NXT2: variants seen among roughly 807,000 people sequenced by gnomAD.
NXT2 encodes the protein NTF2-related export protein 2.
Under a neutral mutation model 9.6 loss-of-function variants are expected in NXT2, and 1 was observed. The observed-to-expected ratio is 0.10, with a 90% confidence interval of 0.04 to 0.49. NXT2 has a LOEUF of 0.49. NXT2 is among the 20% of genes least tolerant of loss of function. The pLI, the probability that NXT2 is intolerant of heterozygous loss-of-function variation, is 0.95. For synonymous variants in NXT2, 22 were observed against 35.4 expected (o/e 0.62, Z 1.34); for missense variants, 48 against 100.3 (o/e 0.48, Z 2.23).
At chrX:109,540,021 A>G (rs1933378149) in intron 2 of NXT2, among the ~76,000 whole-genome samples, 1 of 112,039 alleles carries the variant, frequency 8.9e-6, no homozygotes, top group African/African-American at 3.3e-5. Flanking sequence ...AGTGTAAGGA[A>G]GGGGTCCAGT....
At chrX:109,537,335 G>C in intron 1 of NXT2, 2 of 873,614 alleles carry the variant, frequency 2.3e-6, no homozygotes, top group Non-Finnish European at 2.8e-6. Context: ...ATCACTTTCA[G>C]TCACCTGACA....
Position 109,543,509 on chromosome X carries a change from T to A in NXT2, c.*821T>A, listed in dbSNP as rs1933463365. ...GGGTGGCCAAATGGTAAACTATTGGTACTTGTTTTCTACCTCCTAAAAATG... is the reference window on the plus strand; with the variant it reads ...GGGTGGCCAAATGGTAAACTATTGGAACTTGTTTTCTACCTCCTAAAAATG... On this transcript the variant is annotated 3_prime_UTR_variant, in exon 4 of 4. Transcript: ENST00000372106. The A allele has an allele frequency of 8.9e-6, 1 of 112,236 alleles. No homozygotes were observed. Among genetic ancestry groups the A allele is most frequent in the Admixed American group, 9.5e-5 (1 of 10,533 alleles). 9.2% of individuals were successfully genotyped at this position (112,236 alleles called of 1,213,427 possible). A position where few individuals can be genotyped will look rare whatever the true frequency, so the allele number is the denominator to read the frequency against.
rs774231607 is a variant in NXT2 at position 109,542,501 on chromosome X, A to T, written c.248-6A>T. On this transcript the variant is annotated splice_region_variant and splice_polypyrimidine_tract_variant and intron_variant, in intron 3 of 3. Coordinates refer to ENST00000372106, the MANE Select transcript of NXT2 (RefSeq NM_001242617.2). ...GTGTTCTCTTTTTTTTTTAATGTGG[A>T]TGAAGAGCAAGCAACTCAGTCCCAA... is the stretch of plus-strand genomic sequence containing the variant. 1 of 1,177,536 alleles carries T rather than the reference A, an allele frequency of 8.5e-7. No homozygotes were observed. The highest frequency in any genetic ancestry group is 2.4e-5 in the Admixed American group (1 of 40,926).
Position 109,542,790 on chromosome X carries a change from ATTTCT to A in NXT2, c.*105_*109del. The A allele has an allele frequency of 1.6e-6, 1 of 641,312 alleles. No individual in the cohort carries two copies. The highest frequency in any genetic ancestry group is 2.3e-6 in the Non-Finnish European group (1 of 437,108). The allele number at this position is 641,312 out of a possible 1,213,427, so 52.9% of individuals were successfully genotyped here. On this transcript the variant is annotated 3_prime_UTR_variant, in exon 4 of 4. Transcript: ENST00000372106. ...GCACTATAATATGTGCTGAAACTAA[ATTTCT>A]TTAATATTTTCTATTCCTGTCAGCA...
At chrX:109,538,878 T>TAC (rs1491478966) in intron 2 of NXT2, among the ~76,000 whole-genome samples, 1 of 110,410 alleles carries the variant, frequency 9.1e-6, no homozygotes, top group Non-Finnish European at 1.9e-5. Context: ...CATAGGATTT[T>TAC]ATATATATAT....
At chrX:109,536,320 A>G (rs1569391922), upstream of NXT2, among the ~76,000 whole-genome samples, 1 of 112,877 alleles carries the variant, frequency 8.9e-6, no homozygotes, top group African/African-American at 3.2e-5. Context: ...GGTGAATAGC[A>G]CTGTAAACTT....
chrX:109,537,721 T>G (rs1933316309), intron 1 of NXT2, among the ~76,000 whole-genome samples: 1 of 111,953 alleles, frequency 8.9e-6, no homozygotes, highest in Non-Finnish European at 1.9e-5. Context: ...TCATTTTCAT[T>G]GCCGTGAATG....
rs765973085 is a variant in NXT2 at position 109,544,632 on chromosome X, T to G, written c.*1944T>G. The stretch of plus-strand genomic sequence containing the variant: ...CTACTCGTATAAGGACTAGACTGTA[T>G]TTTTGACATGCTCCTATTTTTGTAA... On this transcript the variant is annotated 3_prime_UTR_variant, in exon 4 of 4. Transcript: ENST00000372106. The G allele has an allele frequency of 1.6e-4, 18 of 113,019 alleles. No homozygotes were observed. The highest frequency in any genetic ancestry group is 1.9e-5 in the Non-Finnish European group (1 of 53,209). The allele number at this position is 113,019 out of a possible 1,213,427, so 9.3% of individuals were successfully genotyped here. A position where few individuals can be genotyped will look rare whatever the true frequency, so the allele number is the denominator to read the frequency against.
intron 2 of NXT2, 131 bp downstream of exon 2, chrX:109,538,262 G>T (rs1361419366): frequency 1.4e-5 from 6 of 414,697 alleles, no homozygotes; most frequent in Admixed American, 1.4e-4. Context: ...AAAGCAAATT[G>T]CTCAGGGAAG....
At chrX:109,542,406 T>A in intron 3 of NXT2, 101 bp from the exon 4 acceptor site, 2 of 693,946 alleles carry the variant, frequency 2.9e-6, no homozygotes, top group Non-Finnish European at 4.0e-6. Flanking sequence ...ATGAAAAAAA[T>A]TTTAAGCATT....
At chrX:109,536,783 A>G, upstream of NXT2, 1 of 989,028 alleles carries the variant, frequency 1.0e-6, no homozygotes, top group Non-Finnish European at 1.3e-6. Context: ...GATGGGAGGG[A>G]TCTTCAGGAA....
rs756066827 is a variant in NXT2, at chrX:109,541,920, T to G, written c.247+301T>G. On this transcript the variant is annotated intron_variant, in intron 3 of 3. Transcript: ENST00000372106. The stretch of plus-strand genomic sequence containing the variant: ...CTGATTTCTCTAAATAGTTGCCTGC[T>G]GGACCCTGAAATGTCTCCAGAGTAA... Among the ~76,000 whole-genome samples, 4 of 111,855 alleles carry G rather than the reference T, an allele frequency of 3.6e-5. No homozygotes were observed. In the South Asian group the frequency reaches 1.5e-3, roughly 41 times the overall value.
rs769093033 is a variant in NXT2, at chrX:109,537,033, G to A, written c.15+12G>A. ...TGGCCACGTCTCTGGTGAGTGCCTG[G>A]GCCGTGGCAGGACGGCTGGGCGCCG... On this transcript the variant is annotated intron_variant, in intron 1 of 3. Transcript: ENST00000372106. 4.1e-5 allele frequency: 49 copies of A among 1,202,781 alleles called. No homozygotes were observed. The highest frequency in any genetic ancestry group is 8.9e-5 in the Admixed American group (4 of 45,055).
chrX:109,537,677 C>T (rs1391596707), intron 1 of NXT2, among the ~76,000 whole-genome samples: 5 of 111,039 alleles, frequency 4.5e-5, no homozygotes, highest in Admixed American at 1.9e-4. Context: ...GCAGTTTTTG[C>T]CGCTCTCTCT....
Position 109,542,799 on chromosome X carries a change from A to AT in NXT2, c.*112dup. 1.7e-6 allele frequency: 1 copy of AT among 597,645 alleles called. No homozygotes were observed. The highest frequency in any genetic ancestry group is 2.5e-6 in the Non-Finnish European group (1 of 399,057). The allele number at this position is 597,645 out of a possible 1,213,427, so 49.3% of individuals were successfully genotyped here. Reference sequence around the variant, plus strand: ...TATGTGCTGAAACTAAATTTCTTTAATATTTTCTATTCCTGTCAGCACCTT... The same window carrying AT: ...TATGTGCTGAAACTAAATTTCTTTAATTATTTTCTATTCCTGTCAGCACCTT... On this transcript the variant is annotated 3_prime_UTR_variant, in exon 4 of 4. Transcript: ENST00000372106.
intron 2 of NXT2, among the ~76,000 whole-genome samples, chrX:109,538,552 G>A (rs895528196): frequency 9.0e-6 from 1 of 110,787 alleles, no homozygotes; most frequent in Non-Finnish European, 1.9e-5. Context: ...TTCCTGATTC[G>A]CCCCTTTTAT....
chrX:109,539,321 C>T (rs956501809), intron 2 of NXT2, among the ~76,000 whole-genome samples: 1 of 112,006 alleles, frequency 8.9e-6, no homozygotes, highest in African/African-American at 3.3e-5. Flanking sequence ...GTGAATAGTG[C>T]CACAATAAAC....
chrX:109,536,997 A>G lies in NXT2; in HGVS notation c.-10A>G. ...CGACACTGCCAGAACACACTGCTAC[A>G]AGGTCCCAGATGGCCACGTCTCTGG... On this transcript the variant is annotated 5_prime_UTR_variant, in exon 1 of 4. Transcript: ENST00000372106. The G allele has an allele frequency of 8.3e-7, 1 of 1,211,493 alleles. No individual in the cohort carries two copies. Among genetic ancestry groups the G allele is most frequent in the Non-Finnish European group, 1.1e-6 (1 of 895,304 alleles).
In NXT2 at chrX:109,544,088, C is replaced by A. The variant is rs747321067; in HGVS notation, c.*1400C>A. 2.7e-5 allele frequency: 3 copies of A among 112,495 alleles called. No individual in the cohort carries two copies. The highest frequency in any genetic ancestry group is 5.6e-5 in the Non-Finnish European group (3 of 53,109). 9.3% of individuals were successfully genotyped at this position (112,495 alleles called of 1,213,427 possible). A position where few individuals can be genotyped will look rare whatever the true frequency, so the allele number is the denominator to read the frequency against. On this transcript the variant is annotated 3_prime_UTR_variant, in exon 4 of 4. Transcript: ENST00000372106. The stretch of plus-strand genomic sequence containing the variant: ...AATGCTTAACTTTATCTCTTAATTT[C>A]TAAAGGTAAATAACCTAGGTTCAGC...
Sources: allele counts gnomAD v4.1 joint callset (sites outside exome capture counted in the v4.1 genomes callset), GRCh38; gene constraint gnomAD v4.1.1; transcripts MANE v1.5; gene names NCBI Gene and HGNC (gene_info 2026-07-23, HGNC 2026-07-21).